The following SCN9A variants were observed in gnomAD, a reference collection of about 807,000 sequenced individuals.
The protein encoded by SCN9A is sodium voltage-gated channel alpha subunit 9, also known as sodium channel protein type 9 subunit alpha.
SCN9A carries 131 observed loss-of-function variants against 187.0 expected under a neutral mutation model. The observed-to-expected ratio is 0.70, with a 90% CI of 0.61 to 0.81. SCN9A has a LOEUF of 0.81. Among genes scored for constraint, SCN9A ranks in the 30% least tolerant of loss-of-function variants. SCN9A has a pLI of 0.00. For missense variants in SCN9A, 2,252 were observed against 2,396.6 expected (o/e 0.94, Z 1.26); for synonymous variants, 809 against 808.6 (o/e 1.00, Z -0.01).
chr2:166,297,022 C>G (rs898319065), intron 7 of SCN9A, among the ~76,000 whole-genome samples: 14 of 151,104 alleles, frequency 9.3e-5, no homozygotes, highest in Admixed American at 5.9e-4. Flanking sequence ...ACAATGAAAC[C>G]CCGTCTCTAC....
intron 1 of SCN9A, among the ~76,000 whole-genome samples, chr2:166,370,691 T>C (rs1700540852): frequency 6.6e-6 from 1 of 152,148 alleles, no homozygotes; most frequent in South Asian, 2.1e-4. Flanking sequence ...TCTAATCTTA[T>C]TTATCTTTCT....
At chr2:166,348,252 A>G (rs929592914) in intron 1 of SCN9A, among the ~76,000 whole-genome samples, 3 of 152,158 alleles carry the variant, frequency 2.0e-5, no homozygotes, top group South Asian at 2.1e-4. Context: ...ATTAAAAAAA[A>G]AAAATGACAA....
intron 1 of SCN9A, among the ~76,000 whole-genome samples, chr2:166,334,851 T>C (rs1699590001): frequency 6.6e-6 from 1 of 152,194 alleles, no homozygotes; most frequent in Admixed American, 6.6e-5. Flanking sequence ...CCTTGTATGA[T>C]ATACAAAGTG....
intron 1 of SCN9A, among the ~76,000 whole-genome samples, chr2:166,318,348 A>T (rs1166037744): frequency 6.6e-6 from 1 of 152,120 alleles, no homozygotes; most frequent in African/African-American, 2.4e-5. Flanking sequence ...GACCTGTATA[A>T]AGACAGATGC....
intron 24 of SCN9A, among the ~76,000 whole-genome samples, chr2:166,217,391 G>A (rs1369858480): frequency 2.6e-5 from 4 of 151,988 alleles, no homozygotes; most frequent in Non-Finnish European, 5.9e-5. Context: ...GTTCTTTACA[G>A]CAAACGAAGC....
intron 1 of SCN9A, among the ~76,000 whole-genome samples, chr2:166,340,702 C>G (rs1699765155): frequency 6.6e-6 from 1 of 151,780 alleles, no homozygotes; most frequent in Non-Finnish European, 1.5e-5. Flanking sequence ...CTCACTGCAG[C>G]CTCCACCTCT....
Position 166,293,287 on chromosome 2 carries a change from A to T in SCN9A, c.1051T>A (p.Phe351Ile). The T allele has an allele frequency of 6.2e-7, 1 of 1,600,632 alleles. No individual in the cohort carries two copies. Among genetic ancestry groups the T allele is most frequent in the Non-Finnish European group, 8.5e-7 (1 of 1,172,824 alleles). ...YTSFDTFSWA[F>I]LALFRLMTQD... Reference sequence around the variant, plus strand: ...GTCATTAGCCTAAACAAGGCTAAGAAGGCCCAGCTGAAAGTGTCAAAGCTC... The same window carrying T: ...GTCATTAGCCTAAACAAGGCTAAGATGGCCCAGCTGAAAGTGTCAAAGCTC... Residue 351 changes from phenylalanine to isoleucine, a missense_variant, in exon 9 of 27, where the codon TTC (phenylalanine) becomes ATC (isoleucine). This residue lies in a region of SCN9A where 1,013 missense variants were observed against 997.4 expected (regional missense o/e 1.02). Transcript: ENST00000642356.
intron 20 of SCN9A, among the ~76,000 whole-genome samples, chr2:166,234,515 G>A (rs1264497655): frequency 6.6e-6 from 1 of 152,148 alleles, no homozygotes; most frequent in African/African-American, 2.4e-5. Context: ...GTTACCATCA[G>A]AGACAGGTAA....
At chr2:166,236,925 A>G (rs1415026435) in intron 20 of SCN9A, among the ~76,000 whole-genome samples, 1 of 152,162 alleles carries the variant, frequency 6.6e-6, no homozygotes, top group Non-Finnish European at 1.5e-5. Context: ...TAAATTTTAA[A>G]GCACTTATTG....
At chr2:166,275,731 C>T (rs904072525) in intron 16 of SCN9A, among the ~76,000 whole-genome samples, 1 of 152,114 alleles carries the variant, frequency 6.6e-6, no homozygotes, top group African/African-American at 2.4e-5. Flanking sequence ...TTTATTACTA[C>T]AACTTGAGGG....
chr2:166,270,762 G>GATATATATAT lies in SCN9A; in HGVS notation c.3351+1627_3351+1636dup, dbSNP rs60551465. ...GCCTCAGCCTCCTGAGCATTTTACT[G>GATATATATAT]ATATATATATATATATATATCAGTC... On this transcript the variant is annotated intron_variant, in intron 17 of 26. Transcript: ENST00000642356. Among the ~76,000 whole-genome samples, 814 of 143,704 alleles carry GATATATATAT rather than the reference G, an allele frequency of 5.7e-3. 5 individuals carry two copies. The highest frequency in any genetic ancestry group is 0.011 in the Middle Eastern group (3 of 284). The allele number at this position is 143,704 out of a possible 152,430, so 94.3% of individuals were successfully genotyped here. A position where few individuals can be genotyped will look rare whatever the true frequency, so the allele number is the denominator to read the frequency against.
In SCN9A at chr2:166,204,217, G is replaced by A. The variant is rs761243875; in HGVS notation, c.4512C>T (p.Ile1504=). 2.5e-6 allele frequency: 4 copies of A among 1,608,618 alleles called. No homozygotes were observed. The African/African-American group carries it at 4.0e-5, about 16-fold the overall frequency. The change falls in exon 26 of 27, where the codon ATC becomes ATT. Residue 1504 remains isoleucine, a synonymous_variant. Transcript: ENST00000642356. ...TCACTAGGTCAAATATACATCCTTG[G>A]ATTTTGTTCTGCAAAGAAATAAGAA... ...QKPIPRPGNK[I]QGCIFDLVTN... is the part of the protein sequence containing the mutation.
chr2:166,358,026 A>G (rs1700191457), intron 1 of SCN9A, among the ~76,000 whole-genome samples: 1 of 149,316 alleles, frequency 6.7e-6, no homozygotes, highest in South Asian at 2.1e-4. Flanking sequence ...ATAAGTGGGG[A>G]ATAAAACTTT....
intron 1 of SCN9A, among the ~76,000 whole-genome samples, chr2:166,329,485 T>TA (rs1315659054): frequency 2.0e-5 from 3 of 151,168 alleles, no homozygotes; most frequent in Non-Finnish European, 3.0e-5. Context: ...ATGTAGATAG[T>TA]AAAAAAAAGG....
rs1699581610 is a variant in SCN9A, at chr2:166,334,511, C to G, written c.-50-22705G>C. 2.6e-5 allele frequency among the ~76,000 whole-genome samples: 4 copies of G among 152,034 alleles called. No individual in the cohort carries two copies. The South Asian group carries it at 6.2e-4, about 24-fold the overall frequency. On this transcript the variant is annotated intron_variant, in intron 1 of 26. Transcript: ENST00000642356. Reference sequence around the variant, plus strand: ...AGTATAATTTTTATGACTACTAACTCAATCATAGGGTCTCTGCAACAATTT... The same window carrying G: ...AGTATAATTTTTATGACTACTAACTGAATCATAGGGTCTCTGCAACAATTT...
chr2:166,200,927 T>G (rs1693480447), intron 26 of SCN9A, among the ~76,000 whole-genome samples: 1 of 152,196 alleles, frequency 6.6e-6, no homozygotes, highest in Non-Finnish European at 1.5e-5. Flanking sequence ...TGAGCCACAG[T>G]GCCCAGCCTG....
chr2:166,350,366 A>T lies in SCN9A; in HGVS notation c.-51+25331T>A, dbSNP rs570685646. On this transcript the variant is annotated intron_variant, in intron 1 of 26. Transcript: ENST00000642356. ...TGTAATGTCCCCACCACTTGGTTTC[A>T]TGAAACTAGGTATCCCTATATGTGC... Among the ~76,000 whole-genome samples the T allele has an allele frequency of 2.0e-5, 3 of 152,356 alleles. No individual in the cohort carries two copies. In the South Asian group the frequency reaches 6.2e-4, roughly 32 times the overall value.
intron 7 of SCN9A, among the ~76,000 whole-genome samples, chr2:166,300,332 T>A (rs944730351): frequency 1.3e-5 from 2 of 150,670 alleles, no homozygotes; most frequent in Admixed American, 6.6e-5. Flanking sequence ...CCCATGCTAT[T>A]TCTCCTAATT....
intron 21 of SCN9A, 119 bp downstream of exon 21, chr2:166,233,221 A>G: frequency 1.6e-6 from 1 of 642,762 alleles, no homozygotes. Flanking sequence ...ACACACATAC[A>G]TAAACAGCCT....
Sources: allele counts gnomAD v4.1 joint callset (sites outside exome capture counted in the v4.1 genomes callset), GRCh38; gene constraint gnomAD v4.1.1; regional missense constraint gnomAD v4.1.1; transcripts MANE v1.5; gene names NCBI Gene and HGNC (gene_info 2026-07-23, HGNC 2026-07-21).